The following KCNQ1 variants were observed in gnomAD, a reference collection of about 807,000 sequenced individuals.
KCNQ1 encodes potassium voltage-gated channel subfamily KQT member 1.
Under a neutral mutation model 72.4 loss-of-function variants are expected in KCNQ1, and 49 were observed. The observed-to-expected ratio is 0.68, with a 90% confidence interval of 0.54 to 0.86. The LOEUF is 0.86. Ranked by LOEUF, KCNQ1 falls within the 40% of genes least tolerant of loss-of-function variation. KCNQ1 has a pLI of 0.00. For synonymous variants in KCNQ1, 450 were observed against 412.6 expected (o/e 1.09, Z -1.10); for missense variants, 790 against 945.1 (o/e 0.84, Z 2.15).
Position 2,848,177 on chromosome 11 carries a change from T to G in KCNQ1, c.*174T>G. The G allele has an allele frequency of 1.4e-6, 1 of 715,244 alleles. No homozygotes were observed. Among genetic ancestry groups the G allele is most frequent in the South Asian group, 1.6e-5 (1 of 64,430 alleles). 44.3% of individuals were successfully genotyped at this position (715,244 alleles called of 1,614,324 possible). A position where few individuals can be genotyped will look rare whatever the true frequency, so the allele number is the denominator to read the frequency against. On this transcript the variant is annotated 3_prime_UTR_variant, in exon 16 of 16. Coordinates refer to ENST00000155840, the MANE Select transcript of KCNQ1 (RefSeq NM_000218.3). ...TCTGGCACAGCCTGCACTTGGGGGCTCAGCAAGGCCACCTCTTCCTGGCCG... is the reference window on the plus strand; with the variant it reads ...TCTGGCACAGCCTGCACTTGGGGGCGCAGCAAGGCCACCTCTTCCTGGCCG...
At position 2,579,879 on chromosome 11, in the gene KCNQ1, C is replaced by T. The variant is rs987786814; in HGVS notation, c.922-3556C>T. ...TGGGGGCAGGTTTGGAAGGTGGTCT[C>T]GGGTGTCCTTACGCGAGCAGGTGGC... On this transcript the variant is annotated intron_variant, in intron 6 of 15. Coordinates refer to ENST00000155840, the MANE Select transcript of KCNQ1 (RefSeq NM_000218.3). The surrounding 1 kb of genome is among the most constrained non-coding windows in gnomAD (Gnocchi z 6.0). 1.1e-4 allele frequency among the ~76,000 whole-genome samples: 17 copies of T among 152,042 alleles called. No homozygotes were observed. Among genetic ancestry groups the T allele is most frequent in the East Asian group, 7.7e-4 (4 of 5,180 alleles).
At position 2,824,458 on chromosome 11, in the gene KCNQ1, G is replaced by A. The variant is rs1407822715; in HGVS notation, c.1795-23309G>A. ...GAAACGATTCATCCAGACAGGAGCA[G>A]GGAGGAGGACACGCAGGGCCTGAAA... On this transcript the variant is annotated intron_variant, in intron 15 of 15. Transcript: ENST00000155840. The surrounding 1 kb of genome is among the most constrained non-coding windows in gnomAD (Gnocchi z 5.9). Among the ~76,000 whole-genome samples, 4 of 152,234 alleles carry A rather than the reference G, an allele frequency of 2.6e-5. No individual in the cohort carries two copies. Among genetic ancestry groups the A allele is most frequent in the African/African-American group, 9.6e-5 (4 of 41,466 alleles).
chr11:2,501,982 A>C (rs1028361899), intron 1 of KCNQ1, among the ~76,000 whole-genome samples: 2 of 152,206 alleles, frequency 1.3e-5, no homozygotes, highest in African/African-American at 4.8e-5. Context: ...AAAGCACTTG[A>C]TAAAATTCCA....
At chr11:2,719,400 T>C (rs1336718711) in intron 11 of KCNQ1, among the ~76,000 whole-genome samples, 3 of 148,286 alleles carry the variant, frequency 2.0e-5, no homozygotes, top group Admixed American at 6.7e-5. Flanking sequence ...GGGGCTGAGA[T>C]GGGAGGATCG....
intron 15 of KCNQ1, among the ~76,000 whole-genome samples, chr11:2,845,069 G>T (rs1304490175): frequency 6.6e-6 from 1 of 152,178 alleles, no homozygotes; most frequent in East Asian, 1.9e-4. Flanking sequence ...CCTGAAGGCT[G>T]AGAGACCTCC....
chr11:2,524,301 G>A (rs1461510540), intron 1 of KCNQ1, among the ~76,000 whole-genome samples: 2 of 152,170 alleles, frequency 1.3e-5, no homozygotes, highest in Non-Finnish European at 2.9e-5. Flanking sequence ...GGGGCCCAGG[G>A]CCCAGCCTCC....
rs1407432068 is a variant in KCNQ1 at position 2,720,169 on chromosome 11, C to T, written c.1515-48675C>T. ...AAGGAGACGCTTCTAGTATGTTAGA[C>T]AGCACAGTCTTCCAAATGGACTGTG... On this transcript the variant is annotated intron_variant, in intron 11 of 15. Coordinates refer to ENST00000155840, the MANE Select transcript of KCNQ1 (RefSeq NM_000218.3). This position sits in a 1 kb window ranked among gnomAD's most constrained non-coding sequence, Gnocchi z 5.1. Among the ~76,000 whole-genome samples the T allele has an allele frequency of 6.6e-6, 1 of 151,876 alleles. No individual in the cohort carries two copies.
chr11:2,559,694 G>A lies in KCNQ1; in HGVS notation c.478-10934G>A, dbSNP rs748868885. Among the ~76,000 whole-genome samples, 104 of 152,140 alleles carry A rather than the reference G, an allele frequency of 6.8e-4. No individual in the cohort carries two copies. The highest frequency in any genetic ancestry group is 1.3e-3 in the Non-Finnish European group (91 of 68,024). ...CTAGTTCTGGAGGGAAAGCGGCCTCGTGCCTCCCAGAGTCACCCCGAAATC... is the reference window on the plus strand; with the variant it reads ...CTAGTTCTGGAGGGAAAGCGGCCTCATGCCTCCCAGAGTCACCCCGAAATC... On this transcript the variant is annotated intron_variant, in intron 2 of 15. Transcript: ENST00000155840. The surrounding 1 kb of genome is among the most constrained non-coding windows in gnomAD (Gnocchi z 4.9).
In KCNQ1 at chr11:2,588,350, C is replaced by A. The variant is rs1045129913; in HGVS notation, c.1252-363C>A. ...ACACAGCCTGCTCCCTCACTTCAGG[C>A]GCCCTCTTCATGCCCTGCTGGCCCC... On this transcript the variant is annotated intron_variant, in intron 9 of 15. Coordinates refer to ENST00000155840, the MANE Select transcript of KCNQ1 (RefSeq NM_000218.3). This position sits in a 1 kb window ranked among gnomAD's most constrained non-coding sequence, Gnocchi z 5.6. 6.6e-6 allele frequency among the ~76,000 whole-genome samples: 1 copy of A among 152,208 alleles called. No homozygotes were observed. The highest frequency in any genetic ancestry group is 2.4e-5 in the African/African-American group (1 of 41,442).
intron 1 of KCNQ1, among the ~76,000 whole-genome samples, chr11:2,520,717 C>T (rs1057353783): frequency 1.3e-5 from 2 of 152,168 alleles, no homozygotes; most frequent in African/African-American, 4.8e-5. Context: ...GCAGGGGAAG[C>T]CTGTCCTCTC....
chr11:2,847,567 C>T (rs754195919), intron 15 of KCNQ1, among the ~76,000 whole-genome samples, 200 bp from the exon 16 acceptor site: 1 of 152,218 alleles, frequency 6.6e-6, no homozygotes. Context: ...GGCACACATG[C>T]ACATTCCTTG....
intron 15 of KCNQ1, among the ~76,000 whole-genome samples, chr11:2,846,080 A>G (rs987706067): frequency 2.6e-5 from 4 of 152,056 alleles, no homozygotes; most frequent in Non-Finnish European, 4.4e-5. Context: ...CACAGAACCC[A>G]GCCCTGGCCC....
rs1847732683 is a variant in KCNQ1 at position 2,536,402 on chromosome 11, G to C, written c.477+8384G>C. 6.6e-6 allele frequency among the ~76,000 whole-genome samples: 1 copy of C among 152,002 alleles called. No homozygotes were observed. The highest frequency in any genetic ancestry group is 6.6e-5 in the Admixed American group (1 of 15,260). On this transcript the variant is annotated intron_variant, in intron 2 of 15. Transcript: ENST00000155840. This position sits in a 1 kb window ranked among gnomAD's most constrained non-coding sequence, Gnocchi z 7.4. ...AGGGAGGCTGGGGTGGGTGCCCCGA[G>C]TGCCTTGTTGGAGTGGAGGCTGGCG...
intron 11 of KCNQ1, chr11:2,681,199 T>A (rs1407128713): frequency 5.0e-6 from 2 of 398,460 alleles, no homozygotes; most frequent in African/African-American, 4.1e-5. Flanking sequence ...ATTTTTGCAG[T>A]GTTTGTGTTC....
chr11:2,705,413 G>A (rs574428203), intron 11 of KCNQ1, among the ~76,000 whole-genome samples: 6 of 152,300 alleles, frequency 3.9e-5, no homozygotes, highest in East Asian at 3.9e-4. Flanking sequence ...CCCCCACTTC[G>A]ACGCGGGTTA....
intron 2 of KCNQ1, among the ~76,000 whole-genome samples, chr11:2,533,582 G>A (rs890932854): frequency 2.0e-5 from 3 of 152,266 alleles, no homozygotes; most frequent in African/African-American, 7.2e-5. Context: ...GTGCCTGTGG[G>A]TAGCTCCGTG....
In KCNQ1 at chr11:2,690,521, A is replaced by C. The variant is rs1274337534; in HGVS notation, c.1514+28440A>C. 3 of 398,510 alleles carry C rather than the reference A, an allele frequency of 7.5e-6. No individual in the cohort carries two copies. The highest frequency in any genetic ancestry group is 1.3e-5 in the Non-Finnish European group (3 of 226,082). 24.7% of individuals were successfully genotyped at this position (398,510 alleles called of 1,614,324 possible). A position where few individuals can be genotyped will look rare whatever the true frequency, so the allele number is the denominator to read the frequency against. ...GGGGGTCTCAGCACCTATCACAAAG[A>C]AAGTGCCACTGGGCCTAGGGAAGGA... On this transcript the variant is annotated intron_variant, in intron 11 of 15. Coordinates refer to ENST00000155840, the MANE Select transcript of KCNQ1 (RefSeq NM_000218.3). The surrounding 1 kb of genome is among the most constrained non-coding windows in gnomAD (Gnocchi z 5.1).
In KCNQ1 at chr11:2,815,289, C is replaced by T. The variant is rs1847591249; in HGVS notation, c.1795-32478C>T. On this transcript the variant is annotated intron_variant, in intron 15 of 15. Transcript: ENST00000155840. This position sits in a 1 kb window ranked among gnomAD's most constrained non-coding sequence, Gnocchi z 5.4. ...ACAGCATCCACACTCCCCACTAGAG[C>T]CCACATAGGTCTTATGGGTGCCACA... 6.6e-6 allele frequency among the ~76,000 whole-genome samples: 1 copy of T among 152,170 alleles called. No homozygotes were observed. The highest frequency in any genetic ancestry group is 6.5e-5 in the Admixed American group (1 of 15,282).
chr11:2,510,577 G>A (rs1052165140), intron 1 of KCNQ1, among the ~76,000 whole-genome samples: 17 of 152,356 alleles, frequency 1.1e-4, no homozygotes, highest in Non-Finnish European at 1.6e-4. Flanking sequence ...CTGCACTCCA[G>A]TCTGGGTGTC....
Sources: allele counts gnomAD v4.1 joint callset (sites outside exome capture counted in the v4.1 genomes callset), GRCh38; gene constraint gnomAD v4.1.1; non-coding constraint Gnocchi (gnomAD v3.1); transcripts MANE v1.5; gene names NCBI Gene and HGNC (gene_info 2026-07-23, HGNC 2026-07-21).